EML4: variants seen among roughly 807,000 people sequenced by gnomAD.
EML4 encodes echinoderm microtubule-associated protein-like 4.
Under a neutral mutation model 129.0 loss-of-function variants are expected in EML4, and 72 were observed. The ratio of observed to expected loss-of-function variants is 0.56; its 90% CI spans 0.46 to 0.68. The LOEUF (loss-of-function observed/expected upper bound fraction) is 0.68, where lower values mean the gene tolerates loss of function less well. EML4 is among the 30% of genes least tolerant of loss of function. EML4 has a pLI of 0.00. For missense variants in EML4, 1,363 were observed against 1,190.6 expected (o/e 1.14, Z -2.13); for synonymous variants, 532 against 405.0 (o/e 1.31, Z -3.77).
chr2:42,171,217 C>G (rs1226871854), intron 1 of EML4, among the ~76,000 whole-genome samples: 1 of 152,176 alleles, frequency 6.6e-6, no homozygotes, highest in East Asian at 1.9e-4. Context: ...AAAACTTGTC[C>G]TATATGTCCG....
chr2:42,323,188 A>C (rs1297961698), intron 19 of EML4, among the ~76,000 whole-genome samples: 4 of 152,168 alleles, frequency 2.6e-5, no homozygotes, highest in African/African-American at 9.7e-5. Context: ...TGCCATGACC[A>C]ATCTTGTTAA....
chr2:42,200,364 A>G (rs1037436063), intron 1 of EML4, among the ~76,000 whole-genome samples: 1 of 152,068 alleles, frequency 6.6e-6, no homozygotes, highest in African/African-American at 2.4e-5. Context: ...ACAAGGGGAA[A>G]AAGAAAGAAT....
intron 18 of EML4, among the ~76,000 whole-genome samples, chr2:42,316,977 C>G (rs187569670): frequency 6.6e-5 from 10 of 152,248 alleles, no homozygotes; most frequent in African/African-American, 1.9e-4. Flanking sequence ...ATGACGTGGA[C>G]TTTATTGACC....
intron 1 of EML4, among the ~76,000 whole-genome samples, chr2:42,205,017 G>C (rs1399075410): frequency 6.6e-6 from 1 of 152,034 alleles, no homozygotes; most frequent in Non-Finnish European, 1.5e-5. Context: ...GCAATACATT[G>C]CCATTTTGTT....
intron 1 of EML4, among the ~76,000 whole-genome samples, chr2:42,212,619 A>G (rs1447448253): frequency 6.6e-6 from 1 of 152,150 alleles, no homozygotes; most frequent in Non-Finnish European, 1.5e-5. Flanking sequence ...TCTCTTTTCT[A>G]TCCAGTTAAC....
chr2:42,295,818 G>C (rs1478895274), intron 13 of EML4, among the ~76,000 whole-genome samples: 1 of 152,136 alleles, frequency 6.6e-6, no homozygotes, highest in East Asian at 1.9e-4. Context: ...ACTTTCCCCT[G>C]AGCTGGTTCT....
chr2:42,263,323 C>T lies in EML4; in HGVS notation c.641+17C>T, dbSNP rs1226899280. 2.6e-6 allele frequency: 4 copies of T among 1,524,072 alleles called. No individual in the cohort carries two copies. The highest frequency in any genetic ancestry group is 2.7e-5 in the East Asian group (1 of 37,524). 94.4% of individuals were successfully genotyped at this position (1,524,072 alleles called of 1,614,324 possible). On this transcript the variant is annotated intron_variant, in intron 5 of 22. Transcript: ENST00000318522. ...TGCAGACAAGTAAGTATTGCACTTT[C>T]TTCATTATATCTGAAAAGTAATAAT...
intron 2 of EML4, among the ~76,000 whole-genome samples, chr2:42,251,994 G>C (rs556931712): frequency 6.6e-6 from 1 of 152,304 alleles, no homozygotes; most frequent in Non-Finnish European, 1.5e-5. Context: ...TAAATTGTTT[G>C]TAAATTGAAT....
intron 11 of EML4, among the ~76,000 whole-genome samples, chr2:42,291,484 G>C (rs889914555): frequency 6.8e-6 from 1 of 146,978 alleles, no homozygotes; most frequent in Non-Finnish European, 1.5e-5. Flanking sequence ...CACTGCTGCA[G>C]CCTCCGCCTC....
chr2:42,188,125 A>C (rs1023970837), intron 1 of EML4, among the ~76,000 whole-genome samples: 1 of 152,210 alleles, frequency 6.6e-6, no homozygotes, highest in African/African-American at 2.4e-5. Context: ...ACCTTTGCTG[A>C]AAATCAACAG....
chr2:42,286,215 G>T, intron 9 of EML4, 54 bp from the exon 10 acceptor site: 3 of 950,440 alleles, frequency 3.2e-6, no homozygotes, highest in Non-Finnish European at 5.2e-6. Flanking sequence ...GTGTGCTATT[G>T]GTGTTTATTT....
Position 42,326,161 on chromosome 2 carries a change from T to C in EML4, c.2250T>C (p.Ile750=). Residue 750 remains isoleucine, a synonymous_variant, in exon 21 of 23, where the codon ATT becomes ATC. Transcript: ENST00000318522. ...SGDYEILYWD[I]PNGCKLIRNR... is the part of the protein sequence containing the mutation. ...CTGTTTCTAAATTTAAAGGGGACAT[T>C]CCAAATGGCTGCAAACTAATCAGGA... 6.2e-7 allele frequency: 1 copy of C among 1,613,602 alleles called. No homozygotes were observed. The highest frequency in any genetic ancestry group is 8.5e-7 in the Non-Finnish European group (1 of 1,179,756).
At position 42,245,555 on chromosome 2, in the gene EML4, G is replaced by A; in HGVS notation, c.76G>A (p.Ala26Thr). The A allele has an allele frequency of 6.2e-7, 1 of 1,613,854 alleles. No individual in the cohort carries two copies. Among genetic ancestry groups the A allele is most frequent in the Non-Finnish European group, 8.5e-7 (1 of 1,179,874 alleles). ...TTCTGATGTTCAAGATCGCCTGTCA[G>A]CTCTTGAGTCACGAGTTCAGCAACA... The part of the protein sequence containing the change: ...STSDVQDRLS[A>T]LESRVQQQED... The change falls in exon 2 of 23, where the codon GCT (alanine) becomes ACT (threonine). Residue 26 changes from alanine (A) to threonine (T), a missense_variant. By Grantham distance (58) the Ala-to-Thr change is moderately conservative (BLOSUM62 0). Transcript: ENST00000318522.
Position 42,169,516 on chromosome 2 carries a change from G to A in EML4, c.-96G>A, listed in dbSNP as rs553725146. ...CGGTAGCCGAGCCGGGCGACCTAGA[G>A]AACGAGCGGGTCAGGCTCAGCGTCG... On this transcript the variant is annotated 5_prime_UTR_variant, in exon 1 of 23. Coordinates refer to ENST00000318522, the MANE Select transcript of EML4 (RefSeq NM_019063.5). 3 of 1,427,196 alleles carry A rather than the reference G, an allele frequency of 2.1e-6. No individual in the cohort carries two copies. Among genetic ancestry groups the A allele is most frequent in the African/African-American group, 2.9e-5 (2 of 69,154 alleles). 88.4% of individuals were successfully genotyped at this position (1,427,196 alleles called of 1,614,324 possible). A position where few individuals can be genotyped will look rare whatever the true frequency, so the allele number is the denominator to read the frequency against.
intron 6 of EML4, among the ~76,000 whole-genome samples, chr2:42,278,205 G>C (rs1666765008): frequency 6.6e-6 from 1 of 152,166 alleles, no homozygotes; most frequent in African/African-American, 2.4e-5. Context: ...CCTGTTGTAT[G>C]TAGGTCACTG....
chr2:42,183,457 G>C (rs1246077656), intron 1 of EML4, among the ~76,000 whole-genome samples: 1 of 152,162 alleles, frequency 6.6e-6, no homozygotes, highest in Non-Finnish European at 1.5e-5. Flanking sequence ...GGTTATGTCA[G>C]ATTATACAGA....
chr2:42,249,477 A>G (rs1450507932), intron 2 of EML4, among the ~76,000 whole-genome samples: 1 of 152,204 alleles, frequency 6.6e-6, no homozygotes, highest in African/African-American at 2.4e-5. Flanking sequence ...TCAAAGGACA[A>G]GTCAACTTCC....
intron 3 of EML4, 143 bp downstream of exon 3, chr2:42,256,773 G>A: frequency 9.4e-7 from 1 of 1,068,920 alleles, no homozygotes; most frequent in Non-Finnish European, 1.3e-6. Flanking sequence ...TGAAAGTAGA[G>A]ACATTTAGCC....
At chr2:42,258,233 T>G (rs982751122) in intron 3 of EML4, among the ~76,000 whole-genome samples, 19 of 152,180 alleles carry the variant, frequency 1.2e-4, no homozygotes, top group Non-Finnish European at 2.8e-4. Flanking sequence ...ATAAAACTAG[T>G]GACCTCTGTA....
Sources: allele counts gnomAD v4.1 joint callset (sites outside exome capture counted in the v4.1 genomes callset), GRCh38; gene constraint gnomAD v4.1.1; transcripts MANE v1.5; gene names NCBI Gene and HGNC (gene_info 2026-07-23, HGNC 2026-07-21).